The following SLC46A2 variants were observed in gnomAD, a reference collection of about 807,000 sequenced individuals.
SLC46A2 encodes the protein solute carrier family 46 member 2.
SLC46A2 carries 25 observed loss-of-function variants against 33.1 expected under a neutral mutation model. The ratio of observed to expected loss-of-function variants is 0.76; its 90% CI spans 0.55 to 1.06. The LOEUF (loss-of-function observed/expected upper bound fraction) is 1.06, where lower values mean the gene tolerates loss of function less well. Among genes scored for constraint, SLC46A2 ranks in the 50% least tolerant of loss-of-function variants. SLC46A2 has a pLI of 0.00. For synonymous variants in SLC46A2, 254 were observed against 275.9 expected (o/e 0.92, Z 0.79); for missense variants, 622 against 621.7 (o/e 1.00, Z 0.00).
chr9:112,883,244 C>T lies in SLC46A2; in HGVS notation c.1370+3216G>A, dbSNP rs528619297. On this transcript the variant is annotated intron_variant, in intron 3 of 3. Coordinates refer to ENST00000374228, the MANE Select transcript of SLC46A2 (RefSeq NM_033051.4). The stretch of plus-strand genomic sequence containing the variant: ...ACTTGACTATGAAGAGAAGGAGAGA[C>T]GGAGGAAGAGCATATGTCAGCTCTG... 2.8e-4 allele frequency among the ~76,000 whole-genome samples: 42 copies of T among 152,010 alleles called. 1 individual carries two copies. Among genetic ancestry groups the T allele is most frequent in the Non-Finnish European group, 2.9e-4 (20 of 67,940 alleles).
At chr9:112,886,704 A>G in intron 2 of SLC46A2, 88 bp from the exon 3 acceptor site, 1 of 1,391,072 alleles carries the variant, frequency 7.2e-7, no homozygotes, top group Non-Finnish European at 1.0e-6. Context: ...TTCTTAGGGG[A>G]CCCTTCCTTC....
rs1841695226 is a variant in SLC46A2, at chr9:112,889,571, T to C, written c.1111A>G (p.Thr371Ala). Residue 371 changes from threonine (T) to alanine (A), a missense_variant, in exon 1 of 4, where the codon ACA (threonine) becomes GCA (alanine). Coordinates refer to ENST00000374228, the MANE Select transcript of SLC46A2 (RefSeq NM_033051.4). Reference protein sequence around the residue: ...GALLLAFVKETYMFYIARAVM... With the variant: ...GALLLAFVKEAYMFYIARAVM... ...GACTCACCAATATAGAACATGTATG[T>C]CTCTTTCACAAAAGCCAAGAGGAGG... 37 of 1,612,660 alleles carry C rather than the reference T, an allele frequency of 2.3e-5. No homozygotes were observed. Among genetic ancestry groups the C allele is most frequent in the Non-Finnish European group, 3.1e-5 (36 of 1,179,396 alleles).
intron 3 of SLC46A2, among the ~76,000 whole-genome samples, chr9:112,880,730 C>A (rs1397749099): frequency 2.0e-5 from 3 of 152,222 alleles, no homozygotes; most frequent in Admixed American, 2.0e-4. Context: ...GGTCCTGTAA[C>A]AAAGGGTGTG....
At position 112,887,353 on chromosome 9, in the gene SLC46A2, T is replaced by A. The variant is rs746661395; in HGVS notation, c.1190A>T (p.Lys397Ile). 2 of 1,612,120 alleles carry A rather than the reference T, an allele frequency of 1.2e-6. No homozygotes were observed. The change falls in exon 2 of 4, where the codon AAA becomes ATA. Residue 397 changes from lysine to isoleucine, a missense_variant. Transcript: ENST00000374228. ...PVTTIRSAMS[K>I]LIKGSSYGKV... Reference sequence around the variant, plus strand: ...ACCATAAGAGGAGCCCTTTATGAGTTTGGACATAGCTGATCGGATGGTTGT... The same window carrying A: ...ACCATAAGAGGAGCCCTTTATGAGTATGGACATAGCTGATCGGATGGTTGT...
chr9:112,881,142 A>G (rs2131537971), intron 3 of SLC46A2, among the ~76,000 whole-genome samples: 1 of 152,318 alleles, frequency 6.6e-6, no homozygotes, highest in African/African-American at 2.4e-5. Context: ...TTAGGTCTGA[A>G]CTGAAGTCCT....
intron 1 of SLC46A2, 125 bp downstream of exon 1, chr9:112,889,428 C>T: frequency 1.1e-6 from 1 of 903,758 alleles, no homozygotes; most frequent in Non-Finnish European, 1.7e-6. Flanking sequence ...GTCCCTTGTG[C>T]CTCCTAGGTA....
chr9:112,880,959 G>C (rs911992433), intron 3 of SLC46A2, among the ~76,000 whole-genome samples: 1 of 151,970 alleles, frequency 6.6e-6, no homozygotes, highest in African/African-American at 2.4e-5. Flanking sequence ...CTTTTTCCTG[G>C]AATCTCTTTC....
intron 3 of SLC46A2, among the ~76,000 whole-genome samples, chr9:112,884,118 A>C (rs1841616287): frequency 6.6e-6 from 1 of 152,234 alleles, no homozygotes; most frequent in African/African-American, 2.4e-5. Context: ...TATTGCATCT[A>C]AAGAGCAAAC....
chr9:112,886,421 G>T (rs1425566430), intron 3 of SLC46A2, 39 bp downstream of exon 3: 1 of 1,610,986 alleles, frequency 6.2e-7, no homozygotes, highest in Non-Finnish European at 8.5e-7. Context: ...CTAAGCATCA[G>T]GGTCCCAGCC....
Position 112,890,151 on chromosome 9 carries a change from G to T in SLC46A2, c.531C>A (p.Asp177Glu), listed in dbSNP as rs750468201. ...GRRSVRLILIDLMLGLAGFCG... is the reference protein window; with the variant it reads ...GRRSVRLILIELMLGLAGFCG... ...AGAACCCCGCCAAGCCCAGCATCAG[G>T]TCAATGAGGATGAGGCGCACAGAGC... The change falls in exon 1 of 4, where the codon GAC (aspartate) becomes GAA (glutamate). Residue 177 changes from aspartate to glutamate, a missense_variant. Coordinates refer to ENST00000374228, the MANE Select transcript of SLC46A2 (RefSeq NM_033051.4). This position sits in a 1 kb window ranked among gnomAD's most constrained non-coding sequence, Gnocchi z 6.0. 3 of 1,613,634 alleles carry T rather than the reference G, an allele frequency of 1.9e-6. No individual in the cohort carries two copies. The Admixed American group carries it at 5.0e-5, about 27-fold the overall frequency.
rs111991367 is a variant in SLC46A2, at chr9:112,890,091, C to A, written c.591G>T (p.Gln197His). 212 of 1,613,686 alleles carry A rather than the reference C, an allele frequency of 1.3e-4. 1 individual carries two copies. In the African/African-American group the frequency reaches 2.4e-3, roughly 19 times the overall value. ...GSMASGHLFK[Q>H]MAGHSGQGLI... ...GGCCCTGCCCAGAGTGCCCAGCCATCTGCTTGAAGAGATGCCCGGAAGCCA... is the reference window on the plus strand; with the variant it reads ...GGCCCTGCCCAGAGTGCCCAGCCATATGCTTGAAGAGATGCCCGGAAGCCA... Residue 197 changes from glutamine to histidine, a missense_variant, in exon 1 of 4, where the codon CAG becomes CAT. Coordinates refer to ENST00000374228, the MANE Select transcript of SLC46A2 (RefSeq NM_033051.4). The surrounding 1 kb of genome is among the most constrained non-coding windows in gnomAD (Gnocchi z 6.0).
chr9:112,879,891 G>T, intron 3 of SLC46A2, 72 bp from the exon 4 acceptor site: 1 of 1,402,250 alleles, frequency 7.1e-7, no homozygotes. Context: ...GCCCTCACAG[G>T]GTTAATGATA....
At chr9:112,889,483 C>T in intron 1 of SLC46A2, 70 bp downstream of exon 1, 2 of 1,491,300 alleles carry the variant, frequency 1.3e-6, no homozygotes, top group Non-Finnish European at 1.8e-6. Flanking sequence ...CAGACCATGG[C>T]ATCCCTGGTG....
At chr9:112,884,771 G>A (rs1841623644) in intron 3 of SLC46A2, among the ~76,000 whole-genome samples, 1 of 152,140 alleles carries the variant, frequency 6.6e-6, no homozygotes, top group African/African-American at 2.4e-5. Context: ...TTTGTCTCTT[G>A]ATGTCTTTAT....
chr9:112,883,326 G>A (rs547581509), intron 3 of SLC46A2, among the ~76,000 whole-genome samples: 1 of 152,260 alleles, frequency 6.6e-6, no homozygotes, highest in Admixed American at 6.5e-5. Context: ...GGAGGTAGGA[G>A]AGGCCGCACC....
rs759553539 is a variant in SLC46A2 at position 112,890,303 on chromosome 9, C to G, written c.379G>C (p.Val127Leu). Residue 127 changes from valine to leucine, a missense_variant, in exon 1 of 4, where the codon GTG (valine) becomes CTG (leucine). Physicochemically the swap from Val to Leu is conservative, Grantham distance 32 (BLOSUM62 1). Transcript: ENST00000374228. This position sits in a 1 kb window ranked among gnomAD's most constrained non-coding sequence, Gnocchi z 6.0. The part of the protein sequence containing the change: ...LLSRLGLLLK[V>L]LLDWPVEVLY... Reference sequence around the variant, plus strand: ...ACCTCCACTGGCCAGTCCAGCAGCACCTTGAGCAGCAGCCCGAGGCGGGAG... The same window carrying G: ...ACCTCCACTGGCCAGTCCAGCAGCAGCTTGAGCAGCAGCCCGAGGCGGGAG... 1.2e-6 allele frequency: 2 copies of G among 1,613,776 alleles called. No individual in the cohort carries two copies. Among genetic ancestry groups the G allele is most frequent in the South Asian group, 2.2e-5 (2 of 91,074 alleles).
intron 3 of SLC46A2, 104 bp downstream of exon 3, chr9:112,886,356 C>T (rs1841642111): frequency 3.1e-6 from 4 of 1,290,256 alleles, no homozygotes; most frequent in Non-Finnish European, 1.1e-6. Flanking sequence ...TGCATAAATG[C>T]TGAAAATAAA....
chr9:112,886,905 T>C (rs1011026085), intron 2 of SLC46A2, among the ~76,000 whole-genome samples: 2 of 152,122 alleles, frequency 1.3e-5, no homozygotes, highest in African/African-American at 4.8e-5. Flanking sequence ...TTAATTTTTT[T>C]TGTTTAGAGA....
At chr9:112,882,042 G>A (rs1841583841) in intron 3 of SLC46A2, among the ~76,000 whole-genome samples, 1 of 151,988 alleles carries the variant, frequency 6.6e-6, no homozygotes, top group Non-Finnish European at 1.5e-5. Flanking sequence ...GGTGAGAGAG[G>A]GTGGCCAGGC....
Sources: allele counts gnomAD v4.1 joint callset (sites outside exome capture counted in the v4.1 genomes callset), GRCh38; gene constraint gnomAD v4.1.1; non-coding constraint Gnocchi (gnomAD v3.1); transcripts MANE v1.5; gene names NCBI Gene and HGNC (gene_info 2026-07-23, HGNC 2026-07-21).